TENM3: variants seen among roughly 807,000 people sequenced by gnomAD.
The protein encoded by TENM3 is teneurin transmembrane protein 3.
In TENM3, 63 loss-of-function variants were observed where a neutral mutation model predicts 255.1. That is an observed-to-expected ratio of 0.25 (90% CI 0.20 to 0.30). The LOEUF (loss-of-function observed/expected upper bound fraction) is 0.30, where lower values mean the gene tolerates loss of function less well. Ranked by LOEUF, TENM3 falls within the 10% of genes least tolerant of loss-of-function variation. The pLI, the probability that TENM3 is intolerant of heterozygous loss-of-function variation, is 1.00. For synonymous variants in TENM3, 1,306 were observed against 1,322.3 expected (o/e 0.99, Z 0.27); for missense variants, 2,929 against 3,461.1 (o/e 0.85, Z 3.86).
intron 3 of TENM3, among the ~76,000 whole-genome samples, chr4:182,399,097 A>G (rs1377545793): frequency 6.6e-6 from 1 of 152,212 alleles, no homozygotes; most frequent in Non-Finnish European, 1.5e-5. Context: ...CAGCTTTCAG[A>G]TGCATTGACT....
chr4:181,657,953 A>ATCCC, the TENM3 span, among the ~76,000 whole-genome samples: 1 of 152,176 alleles, frequency 6.6e-6, no homozygotes, highest in Non-Finnish European at 1.5e-5. Context: ...ACATGGACAT[A>ATCCC]AAGATGGGAG....
chr4:181,589,539 G>A, the TENM3 span, among the ~76,000 whole-genome samples: 4 of 152,120 alleles, frequency 2.6e-5, no homozygotes, highest in African/African-American at 9.7e-5. Context: ...AGGAAGGAAA[G>A]ACTATAATGT....
At chr4:181,919,434 G>T in the TENM3 span, among the ~76,000 whole-genome samples, 6 of 149,754 alleles carry the variant, frequency 4.0e-5, no homozygotes, top group African/African-American at 1.5e-4. Flanking sequence ...ATTAGAAAAA[G>T]ATTGGAGGTT....
the TENM3 span, among the ~76,000 whole-genome samples, chr4:181,924,621 T>C: frequency 6.6e-6 from 1 of 152,358 alleles, no homozygotes. Context: ...TGTATATACC[T>C]GAATAATTCA....
chr4:181,448,186 A>G, the TENM3 span, among the ~76,000 whole-genome samples: 2 of 59,454 alleles, frequency 3.4e-5, no homozygotes, highest in Admixed American at 2.7e-4. Context: ...TTTTTTTTTG[A>G]GACGGAGTCT....
rs989698397 is a variant in TENM3, at chr4:182,695,040, C to A, written c.2221+6689C>A. Among the ~76,000 whole-genome samples the A allele has an allele frequency of 2.6e-5, 4 of 152,108 alleles. 1 individual carries two copies. The highest frequency in any genetic ancestry group is 5.9e-5 in the Non-Finnish European group (4 of 68,024). On this transcript the variant is annotated intron_variant, in intron 12 of 27. Coordinates refer to ENST00000511685, the MANE Select transcript of TENM3 (RefSeq NM_001080477.4). ...GTGTTTCCCAGATTGAGCATCATATCCAAAATAAAACAATATGTAATTCTA... is the reference window on the plus strand; with the variant it reads ...GTGTTTCCCAGATTGAGCATCATATACAAAATAAAACAATATGTAATTCTA...
At chr4:182,544,967 A>G (rs1741286485) in intron 3 of TENM3, among the ~76,000 whole-genome samples, 1 of 152,230 alleles carries the variant, frequency 6.6e-6, no homozygotes, top group African/African-American at 2.4e-5. Flanking sequence ...GCGCATCAAA[A>G]TCTTCAACAG....
At chr4:182,428,421 G>T (rs906119570) in intron 3 of TENM3, among the ~76,000 whole-genome samples, 4 of 151,848 alleles carry the variant, frequency 2.6e-5, no homozygotes, top group African/African-American at 9.7e-5. Context: ...TCCTGCTTAC[G>T]CCACCACTGC....
chr4:182,018,255 G>T, the TENM3 span, among the ~76,000 whole-genome samples: 1 of 152,064 alleles, frequency 6.6e-6, no homozygotes, highest in Non-Finnish European at 1.5e-5. Flanking sequence ...AAGATCCTTC[G>T]CCTTCTGTCC....
upstream of TENM3, among the ~76,000 whole-genome samples, chr4:182,240,738 T>C (rs527903236): frequency 6.6e-6 from 1 of 152,254 alleles, no homozygotes; most frequent in Admixed American, 6.5e-5. Context: ...GGACACAGCC[T>C]GGGAGGTCTT....
chr4:182,703,996 A>G (rs1306478459), intron 12 of TENM3, among the ~76,000 whole-genome samples: 1 of 152,202 alleles, frequency 6.6e-6, no homozygotes, highest in Non-Finnish European at 1.5e-5. Flanking sequence ...TAAATAGCCA[A>G]ATATTCACCT....
chr4:181,882,123 G>A, the TENM3 span, among the ~76,000 whole-genome samples: 390 of 152,216 alleles, frequency 2.6e-3, 1 homozygote, highest in African/African-American at 8.9e-3. Flanking sequence ...AGTCCCCCCC[G>A]TTCGCCTGCA....
chr4:182,785,342 A>C (rs1765555837), intron 24 of TENM3, among the ~76,000 whole-genome samples: 1 of 151,884 alleles, frequency 6.6e-6, no homozygotes, highest in Non-Finnish European at 1.5e-5. Context: ...AAAATCTTGG[A>C]ATTACAGACA....
At chr4:182,097,874 A>G in the TENM3 span, among the ~76,000 whole-genome samples, 2 of 152,192 alleles carry the variant, frequency 1.3e-5, no homozygotes, top group African/African-American at 4.8e-5. Context: ...TGAAGCCCCC[A>G]AAATGTGCAT....
At chr4:182,044,937 A>G in the TENM3 span, among the ~76,000 whole-genome samples, 1 of 152,358 alleles carries the variant, frequency 6.6e-6, no homozygotes, top group Non-Finnish European at 1.5e-5. Flanking sequence ...AGATGAAAGA[A>G]ACAGCATAAA....
chr4:182,342,993 C>G (rs1764582731), intron 2 of TENM3, among the ~76,000 whole-genome samples: 1 of 152,202 alleles, frequency 6.6e-6, no homozygotes, highest in African/African-American at 2.4e-5. Flanking sequence ...AAAGAGGGAG[C>G]TGTGCTATGT....
chr4:182,261,047 T>C (rs1758754008), intron 1 of TENM3, among the ~76,000 whole-genome samples: 1 of 152,140 alleles, frequency 6.6e-6, no homozygotes, highest in Admixed American at 6.5e-5. Flanking sequence ...AGCTAATTTT[T>C]GTATTTTTAA....
the TENM3 span, among the ~76,000 whole-genome samples, chr4:181,758,542 G>A: frequency 6.6e-6 from 1 of 152,154 alleles, no homozygotes; most frequent in Non-Finnish European, 1.5e-5. Flanking sequence ...GAGGTTTTCC[G>A]AAGGGCTTAC....
the TENM3 span, among the ~76,000 whole-genome samples, chr4:181,987,262 C>T: frequency 6.6e-6 from 1 of 152,122 alleles, no homozygotes; most frequent in Non-Finnish European, 1.5e-5. Context: ...CTCCTTCCAT[C>T]ATCCCAAGCC....
Sources: gnomAD v4.1 joint callset for allele counts (sites outside exome capture counted in the v4.1 genomes callset) on GRCh38, gnomAD v4.1.1 for gene constraint, MANE v1.5 for transcripts, NCBI Gene and HGNC (gene_info 2026-07-23, HGNC 2026-07-21) for gene names.